Variants in EIF5A observed in about 807,000 individuals in gnomAD.
The protein encoded by EIF5A is eukaryotic translation initiation factor 5A.
Under a neutral mutation model 16.6 loss-of-function variants are expected in EIF5A, and 1 was observed. The observed-to-expected ratio is 0.06, with a 90% confidence interval of 0.02 to 0.28. EIF5A has a LOEUF of 0.28. Ranked by LOEUF, EIF5A falls within the 10% of genes least tolerant of loss-of-function variation. The pLI is 1.00. For synonymous variants in EIF5A, 80 were observed against 73.6 expected, an observed-to-expected ratio of 1.09 and a Z score of -0.44; for missense variants, 29 against 196.1, an observed-to-expected ratio of 0.15 and a Z score of 5.09.
chr17:7,309,130 G>GT (rs2072733047), intron 1 of EIF5A, among the ~76,000 whole-genome samples: 1 of 127,696 alleles, frequency 7.8e-6, no homozygotes, highest in Non-Finnish European at 1.7e-5. Flanking sequence ...GTGTGTGGAT[G>GT]GGGGGGGGCA....
intron 1 of EIF5A, 169 bp downstream of exon 1, chr17:7,307,921 G>A: frequency 1.0e-6 from 1 of 984,710 alleles, no homozygotes; most frequent in South Asian, 4.7e-5. Flanking sequence ...GCCCCGGTTG[G>A]CGCGCGGGGT....
intron 1 of EIF5A, chr17:7,308,694 GTT>G (rs1313556318): frequency 1.2e-6 from 1 of 817,200 alleles, no homozygotes; most frequent in Non-Finnish European, 1.7e-6. Flanking sequence ...AGGCAGATGA[GTT>G]TCCCACCGTG....
At chr17:7,308,112 AG>A in intron 1 of EIF5A, 1 of 837,750 alleles carries the variant, frequency 1.2e-6, no homozygotes. Flanking sequence ...CGGCCACGTG[AG>A]GTGGGGGAGG....
chr17:7,308,386 C>G (rs894961900), intron 1 of EIF5A: 8 of 1,222,612 alleles, frequency 6.5e-6, no homozygotes, highest in African/African-American at 3.2e-5. Context: ...AGCCGGCAGC[C>G]CCTAGCGCGG....
At chr17:7,307,084 G>A (rs1597611893), upstream of EIF5A, 4 of 1,603,542 alleles carry the variant, frequency 2.5e-6, no homozygotes, top group Non-Finnish European at 3.4e-6. Context: ...AAGACAAGGC[G>A]CCCACCCCAC....
In EIF5A at chr17:7,307,765, A is replaced by C. The variant is rs2143007791; in HGVS notation, c.-22+13A>C. The C allele has an allele frequency of 2.0e-6, 2 of 992,224 alleles. No individual in the cohort carries two copies. Among genetic ancestry groups the C allele is most frequent in the Non-Finnish European group, 2.4e-6 (2 of 837,962 alleles). 61.5% of individuals were successfully genotyped at this position (992,224 alleles called of 1,614,324 possible). On this transcript the variant is annotated intron_variant, in intron 1 of 5. Coordinates refer to ENST00000336458, the MANE Select transcript of EIF5A (RefSeq NM_001970.5). ...GCGTTCGCGCGAGGTGAGAGCGGGCAGGGCGCGTGTGCGCGGTACCTTGGC... is the reference window on the plus strand; with the variant it reads ...GCGTTCGCGCGAGGTGAGAGCGGGCCGGGCGCGTGTGCGCGGTACCTTGGC...
Position 7,307,764 on chromosome 17 carries a change from C to T in EIF5A, c.-22+12C>T. ...TGCGTTCGCGCGAGGTGAGAGCGGGCAGGGCGCGTGTGCGCGGTACCTTGG... is the reference window on the plus strand; with the variant it reads ...TGCGTTCGCGCGAGGTGAGAGCGGGTAGGGCGCGTGTGCGCGGTACCTTGG... On this transcript the variant is annotated intron_variant, in intron 1 of 5. Transcript: ENST00000336458. 2 of 1,000,916 alleles carry T rather than the reference C, an allele frequency of 2.0e-6. No homozygotes were observed. Among genetic ancestry groups the T allele is most frequent in the Non-Finnish European group, 2.4e-6 (2 of 840,340 alleles). 62.0% of individuals were successfully genotyped at this position (1,000,916 alleles called of 1,614,324 possible). A position where few individuals can be genotyped will look rare whatever the true frequency, so the allele number is the denominator to read the frequency against.
At chr17:7,307,124 T>C, upstream of EIF5A, 2 of 1,590,788 alleles carry the variant, frequency 1.3e-6, no homozygotes, top group Non-Finnish European at 1.7e-6. Context: ...GTGTGAGTCG[T>C]TTAAGTCCAG....
Position 7,311,074 on chromosome 17 carries a change from G to A in EIF5A, c.222G>A (p.Pro74=), listed in dbSNP as rs528086049. 1.2e-5 allele frequency: 20 copies of A among 1,613,838 alleles called. No individual in the cohort carries two copies. The highest frequency in any genetic ancestry group is 1.1e-4 in the South Asian group (10 of 91,052). Residue 74 remains proline, a synonymous_variant, in exon 3 of 6, where the codon CCG becomes CCA. Transcript: ENST00000336458. The stretch of plus-strand genomic sequence containing the variant: ...GGAAGAAATATGAAGATATCTGCCC[G>A]TCAACTCATAATATGGATGTCCCCA... ...FTGKKYEDIC[P]STHNMDVPNI...
At chr17:7,310,210 A>T (rs748767046) in intron 2 of EIF5A, 57 of 1,290,440 alleles carry the variant, frequency 4.4e-5, no homozygotes, top group Non-Finnish European at 5.4e-5. Context: ...CCCTGGAGGG[A>T]CTCCTGCGTC....
chr17:7,308,799 A>AT (rs1211202950), intron 1 of EIF5A, among the ~76,000 whole-genome samples: 5 of 151,818 alleles, frequency 3.3e-5, no homozygotes, highest in African/African-American at 1.2e-4. Context: ...GCCTAGTATG[A>AT]TTTTCTACTA....
At chr17:7,307,973 C>A (rs911468196) in intron 1 of EIF5A, 3 of 983,282 alleles carry the variant, frequency 3.1e-6, no homozygotes, top group Admixed American at 6.2e-5. Flanking sequence ...CGACGCAGGG[C>A]GGGGGACGGC....
intron 1 of EIF5A, among the ~76,000 whole-genome samples, chr17:7,309,352 A>C (rs929674889): frequency 1.6e-4 from 24 of 152,134 alleles, no homozygotes; most frequent in Non-Finnish European, 3.5e-4. Flanking sequence ...TTGACATTCC[A>C]GCTCCCTAGA....
In EIF5A at chr17:7,308,791, C is replaced by T. The variant is rs540352214; in HGVS notation, c.-21-824C>T. ...TTTCGAAGTCCTTAACTCTACTAGC[C>T]TAGTATGATTTTCTACTACTCACTA... On this transcript the variant is annotated intron_variant, in intron 1 of 5. Transcript: ENST00000336458. Among the ~76,000 whole-genome samples, 16 of 152,262 alleles carry T rather than the reference C, an allele frequency of 1.1e-4. No individual in the cohort carries two copies. In the South Asian group the frequency reaches 2.7e-3, roughly 26 times the overall value.
upstream of EIF5A, chr17:7,307,146 G>A (rs1481102624): frequency 1.1e-5 from 17 of 1,565,428 alleles, no homozygotes; most frequent in Non-Finnish European, 1.4e-5. Flanking sequence ...TAAAGCCGAG[G>A]TGGGGCGTAT....
upstream of EIF5A, chr17:7,307,481 ATT>A: frequency 1.0e-6 from 1 of 990,096 alleles, no homozygotes; most frequent in Non-Finnish European, 1.2e-6. Flanking sequence ...TATGCGCGTC[ATT>A]GGACGGGTCG....
chr17:7,311,742 G>A lies in EIF5A; in HGVS notation c.*12-80G>A. Reference sequence around the variant, plus strand: ...CTTAATTGTTTCAGGCTTACTTTCTGCCCCTAGCCTGGCTCTGTCCTCCCT... The same window carrying A: ...CTTAATTGTTTCAGGCTTACTTTCTACCCCTAGCCTGGCTCTGTCCTCCCT... On this transcript the variant is annotated intron_variant, in intron 5 of 5. Coordinates refer to ENST00000336458, the MANE Select transcript of EIF5A (RefSeq NM_001970.5). The A allele has an allele frequency of 2.0e-6, 3 of 1,521,330 alleles. No individual in the cohort carries two copies. In the South Asian group the frequency reaches 3.5e-5, roughly 18 times the overall value. 94.2% of individuals were successfully genotyped at this position (1,521,330 alleles called of 1,614,324 possible).
At chr17:7,308,532 C>T in intron 1 of EIF5A, 2 of 1,351,722 alleles carry the variant, frequency 1.5e-6, no homozygotes, top group Non-Finnish European at 2.0e-6. Context: ...GCCCCAGGAG[C>T]TTTCCTGAAA....
In EIF5A at chr17:7,311,418, T is replaced by C. The variant is rs1259548463; in HGVS notation, c.339T>C (p.Arg113=). Residue 113 remains arginine (R), a synonymous_variant, in exon 4 of 6, where the codon CGT becomes CGC. Transcript: ENST00000336458. ...QDSGEVREDL[R]LPEGDLGKEI... is the part of the protein sequence containing the mutation. ...GCGGGGAGGTACGAGAGGACCTTCG[T>C]CTCCCTGAGGGAGACCTTGGCAAGG... The C allele has an allele frequency of 6.2e-7, 1 of 1,614,032 alleles. No homozygotes were observed. The highest frequency in any genetic ancestry group is 1.7e-5 in the Admixed American group (1 of 59,998).
Sources: allele counts gnomAD v4.1 joint callset (sites outside exome capture counted in the v4.1 genomes callset), GRCh38; gene constraint gnomAD v4.1.1; transcripts MANE v1.5; gene names NCBI Gene and HGNC (gene_info 2026-07-23, HGNC 2026-07-21).